Variants in LTBP1 observed in about 807,000 individuals in gnomAD.
LTBP1 encodes the protein latent-transforming growth factor beta-binding protein 1.
In LTBP1, 129 loss-of-function variants were observed where a neutral mutation model predicts 207.6. That is an observed-to-expected ratio of 0.62 (90% CI 0.54 to 0.72). The LOEUF (loss-of-function observed/expected upper bound fraction) is 0.72. Among genes scored for constraint, LTBP1 ranks in the 30% least tolerant of loss-of-function variants. The probability of loss-of-function intolerance (pLI) is 0.00; values close to 1 mark genes in which losing one functional copy is unlikely to be tolerated. For missense variants in LTBP1, 2,281 were observed against 2,217.2 expected (o/e 1.03, Z -0.58); for synonymous variants, 963 against 833.7 (o/e 1.16, Z -2.67).
rs368856913 is a variant in LTBP1, at chr2:33,243,724, A to C, written c.1939A>C (p.Ser647Arg). ...PNGECLNTMG[S>R]YRCTCKIGFG... ...TGGTGAGTGTTTGAATACCATGGGCAGCTATCGATGTACCTGCAAAATAGG... is the reference window on the plus strand; with the variant it reads ...TGGTGAGTGTTTGAATACCATGGGCCGCTATCGATGTACCTGCAAAATAGG... Residue 647 changes from serine (S) to arginine (R), a missense_variant, in exon 10 of 34, where the codon AGC (serine) becomes CGC (arginine). By Grantham distance (110) the Ser-to-Arg change is moderately radical. Coordinates refer to ENST00000404816, the MANE Select transcript of LTBP1 (RefSeq NM_206943.4). 1 of 1,613,876 alleles carries C rather than the reference A, an allele frequency of 6.2e-7. No individual in the cohort carries two copies. Among genetic ancestry groups the C allele is most frequent in the South Asian group, 1.1e-5 (1 of 91,084 alleles).
chr2:32,952,401 C>T (rs568055717), intron 2 of LTBP1, among the ~76,000 whole-genome samples: 76 of 152,274 alleles, frequency 5.0e-4, no homozygotes, highest in Non-Finnish European at 1.5e-4. Flanking sequence ...TTCCAGACAC[C>T]ATTTGTATGT....
intron 5 of LTBP1, among the ~76,000 whole-genome samples, chr2:33,149,240 A>AAAC (rs1558707505): frequency 1.6e-4 from 23 of 145,050 alleles, no homozygotes; most frequent in South Asian, 1.1e-3. Flanking sequence ...AAAAAAAAAA[A>AAAC]AAAAAAAAAA....
chr2:33,178,331 A>G (rs949604746), intron 5 of LTBP1, among the ~76,000 whole-genome samples: 2 of 152,170 alleles, frequency 1.3e-5, no homozygotes, highest in Non-Finnish European at 2.9e-5. Flanking sequence ...AGGTTATGCA[A>G]GGTATAAAAC....
At chr2:33,092,195 G>GCA (rs1553403357) in intron 3 of LTBP1, among the ~76,000 whole-genome samples, 26,296 of 149,022 alleles carry the variant, frequency 0.18, 2,693 homozygotes, top group South Asian at 0.28. Flanking sequence ...ACACACACAC[G>GCA]CGCACACACA....
intron 15 of LTBP1, among the ~76,000 whole-genome samples, chr2:33,268,901 C>T (rs961257295): frequency 2.0e-5 from 3 of 152,254 alleles, no homozygotes; most frequent in South Asian, 4.1e-4. Context: ...TTGTGGAAAC[C>T]TCTGTAATTA....
intron 5 of LTBP1, among the ~76,000 whole-genome samples, chr2:33,138,989 G>C (rs1226258977): frequency 2.0e-5 from 3 of 149,964 alleles, no homozygotes; most frequent in Non-Finnish European, 3.0e-5. Context: ...CTCCCGAGTA[G>C]CTGGGACTAC....
At chr2:33,271,247 G>C (rs1482097232) in intron 15 of LTBP1, among the ~76,000 whole-genome samples, 1 of 151,976 alleles carries the variant, frequency 6.6e-6, no homozygotes, top group South Asian at 2.1e-4. Flanking sequence ...CAGATTTATA[G>C]CCTCTTAATT....
chr2:32,998,247 G>A (rs1243451503), intron 2 of LTBP1, among the ~76,000 whole-genome samples: 1 of 152,122 alleles, frequency 6.6e-6, no homozygotes, highest in African/African-American at 2.4e-5. Flanking sequence ...GCTGAGCACG[G>A]TGGCTCACGC....
In LTBP1 at chr2:32,962,848, C is replaced by A. The variant is rs537305244; in HGVS notation, c.565+13903C>A. On this transcript the variant is annotated intron_variant, in intron 2 of 33. Transcript: ENST00000404816. ...TGTTAGAAATGCAAACTCTCCAGCC[C>A]TGTTAAACCAGGAGCTCTGGGATGG... 5.9e-5 allele frequency among the ~76,000 whole-genome samples: 9 copies of A among 152,360 alleles called. 1 individual carries two copies. In the South Asian group the frequency reaches 1.9e-3, roughly 32 times the overall value.
At chr2:33,158,161 AAAAAGAGAG>A (rs1451387397) in intron 5 of LTBP1, among the ~76,000 whole-genome samples, 1 of 141,068 alleles carries the variant, frequency 7.1e-6, no homozygotes, top group Non-Finnish European at 1.6e-5. Context: ...AAAAAAAAAA[AAAAAGAGAG>A]AGAGAGAGAA....
At chr2:33,284,589 A>G (rs1385843977) in intron 19 of LTBP1, among the ~76,000 whole-genome samples, 1 of 152,190 alleles carries the variant, frequency 6.6e-6, no homozygotes, top group Non-Finnish European at 1.5e-5. Context: ...TATTTCAACC[A>G]AGTCCTTTCT....
At chr2:33,192,497 C>T (rs1030730393) in intron 7 of LTBP1, among the ~76,000 whole-genome samples, 3 of 150,828 alleles carry the variant, frequency 2.0e-5, no homozygotes, top group Non-Finnish European at 2.9e-5. Context: ...ACATTGACAA[C>T]GTAGGGCATT....
intron 32 of LTBP1, 139 bp downstream of exon 32, chr2:33,389,445 T>G: frequency 6.9e-6 from 8 of 1,164,592 alleles, no homozygotes; most frequent in Admixed American, 4.5e-5. Flanking sequence ...AAGTCTAGGG[T>G]GGGACCCAGC....
intron 4 of LTBP1, among the ~76,000 whole-genome samples, chr2:33,133,330 A>G (rs989993053): frequency 6.6e-6 from 1 of 152,174 alleles, no homozygotes; most frequent in African/African-American, 2.4e-5. Context: ...CAAAGATGGT[A>G]TAAAAAAGGC....
At chr2:33,272,267 G>A (rs1230503199) in intron 15 of LTBP1, among the ~76,000 whole-genome samples, 1 of 152,172 alleles carries the variant, frequency 6.6e-6, no homozygotes, top group Non-Finnish European at 1.5e-5. Context: ...CTGCAGAATA[G>A]ACAGTGTGTT....
At chr2:33,166,173 T>C (rs182293418) in intron 5 of LTBP1, among the ~76,000 whole-genome samples, 2 of 152,212 alleles carry the variant, frequency 1.3e-5, no homozygotes, top group Non-Finnish European at 2.9e-5. Flanking sequence ...AGATAAGTGA[T>C]TGTATTTTGT....
intron 24 of LTBP1, 103 bp downstream of exon 24, chr2:33,315,372 T>C: frequency 7.1e-7 from 1 of 1,409,864 alleles, no homozygotes; most frequent in East Asian, 2.3e-5. Flanking sequence ...ACTGCATAAT[T>C]CAGAGCCTCA....
intron 4 of LTBP1, among the ~76,000 whole-genome samples, chr2:33,125,338 G>A (rs1481740025): frequency 6.6e-6 from 1 of 152,172 alleles, no homozygotes; most frequent in Admixed American, 6.5e-5. Flanking sequence ...TGATTGTCAT[G>A]TGTATTTGCT....
rs887635286 is a variant in LTBP1 at position 33,364,271 on chromosome 2, A to G, written c.4455A>G (p.Thr1485=). 1.1e-5 allele frequency: 17 copies of G among 1,613,984 alleles called. No individual in the cohort carries two copies. Among genetic ancestry groups the G allele is most frequent in the South Asian group, 6.6e-5 (6 of 91,092 alleles). ...SSCIDGQCVN[T]EGSYNCFCTH... is the part of the protein sequence containing the mutation. ...GTATTGATGGCCAGTGTGTTAATACAGAGGGCTCTTACAACTGCTTCTGTA... is the reference window on the plus strand; with the variant it reads ...GTATTGATGGCCAGTGTGTTAATACGGAGGGCTCTTACAACTGCTTCTGTA... The change falls in exon 30 of 34, where the codon ACA becomes ACG. Residue 1485 remains threonine (T), a synonymous_variant. Transcript: ENST00000404816.
Sources: gnomAD v4.1 joint callset for allele counts (sites outside exome capture counted in the v4.1 genomes callset) on GRCh38, gnomAD v4.1.1 for gene constraint, MANE v1.5 for transcripts, NCBI Gene and HGNC (gene_info 2026-07-23, HGNC 2026-07-21) for gene names.